The following RNF150 variants were observed in gnomAD, a reference collection of about 807,000 sequenced individuals.
The protein encoded by RNF150 is ring finger protein 150.
In RNF150, 24 loss-of-function variants were observed where a neutral mutation model predicts 39.3. The observed-to-expected ratio is 0.61, with a 90% CI of 0.44 to 0.86. RNF150 has a LOEUF of 0.86. RNF150 is among the 40% of genes least tolerant of loss of function. RNF150 has a pLI of 0.00. For synonymous variants in RNF150, 255 were observed against 227.3 expected (o/e 1.12, Z -1.10); for missense variants, 502 against 587.8 (o/e 0.85, Z 1.51).
chr4:140,934,861 T>A (rs1231267117), intron 4 of RNF150, among the ~76,000 whole-genome samples: 2 of 151,318 alleles, frequency 1.3e-5, no homozygotes, highest in East Asian at 3.9e-4. Flanking sequence ...GGTTTTCTTT[T>A]AATAAAATAC....
chr4:140,989,314 T>G (rs1327608018), intron 1 of RNF150, among the ~76,000 whole-genome samples: 2 of 151,812 alleles, frequency 1.3e-5, no homozygotes, highest in East Asian at 3.9e-4. Flanking sequence ...CTCTGCTCAT[T>G]CAAAAAAAAA....
chr4:140,959,677 T>C lies in RNF150; in HGVS notation c.735+7946A>G, dbSNP rs534937955. On this transcript the variant is annotated intron_variant, in intron 2 of 6. Coordinates refer to ENST00000515673, the MANE Select transcript of RNF150 (RefSeq NM_020724.2). ...CGAACAGGGAAGCAATGGCTCCACATGGCGTGTGAGGCTGTCCTTGGTCTT... is the reference window on the plus strand; with the variant it reads ...CGAACAGGGAAGCAATGGCTCCACACGGCGTGTGAGGCTGTCCTTGGTCTT... Among the ~76,000 whole-genome samples, 239 of 152,238 alleles carry C rather than the reference T, an allele frequency of 1.6e-3. 1 individual carries two copies. Among genetic ancestry groups the C allele is most frequent in the African/African-American group, 5.6e-3 (232 of 41,550 alleles).
At chr4:140,911,790 T>C (rs1473574465) in intron 5 of RNF150, among the ~76,000 whole-genome samples, 4 of 152,164 alleles carry the variant, frequency 2.6e-5, no homozygotes, top group Non-Finnish European at 5.9e-5. Flanking sequence ...ATACTAATGA[T>C]ATGAGAGTGG....
chr4:141,101,601 T>C (rs1015452407), intron 1 of RNF150, among the ~76,000 whole-genome samples: 1 of 152,284 alleles, frequency 6.6e-6, no homozygotes, highest in East Asian at 1.9e-4. Flanking sequence ...ATCTGTAACA[T>C]AGCTTTATTA....
At chr4:141,119,319 CA>C (rs1726537266) in intron 1 of RNF150, among the ~76,000 whole-genome samples, 1 of 152,202 alleles carries the variant, frequency 6.6e-6, no homozygotes, top group Admixed American at 6.5e-5. Context: ...TGGAATGAAG[CA>C]GTCCATATAC....
At chr4:140,892,386 C>T (rs902210138) in intron 6 of RNF150, among the ~76,000 whole-genome samples, 2 of 152,170 alleles carry the variant, frequency 1.3e-5, no homozygotes, top group African/African-American at 4.8e-5. Flanking sequence ...CAAATGCCTC[C>T]GCTTGTAGTG....
intron 1 of RNF150, among the ~76,000 whole-genome samples, chr4:141,188,106 A>C (rs953805125): frequency 1.3e-5 from 2 of 152,142 alleles, no homozygotes; most frequent in Non-Finnish European, 2.9e-5. Context: ...TTGCTTATGA[A>C]GTTTAGTTTG....
chr4:141,002,310 A>T (rs1213471492), intron 1 of RNF150, among the ~76,000 whole-genome samples: 4 of 152,028 alleles, frequency 2.6e-5, no homozygotes, highest in Non-Finnish European at 5.9e-5. Context: ...TTAAGCTCAC[A>T]CCAGGACAGG....
chr4:140,916,303 T>C (rs1172901326), intron 5 of RNF150, among the ~76,000 whole-genome samples: 3 of 151,552 alleles, frequency 2.0e-5, no homozygotes, highest in African/African-American at 7.3e-5. Flanking sequence ...TTGAAAAAAA[T>C]TTAGATGAAT....
chr4:140,931,387 G>C (rs79896758), intron 4 of RNF150, among the ~76,000 whole-genome samples: 3,750 of 152,266 alleles, frequency 0.025, 51 homozygotes, highest in East Asian at 0.071. Context: ...CTTTTTGGTA[G>C]CATATTGATC....
chr4:141,208,235 T>TC (rs1262033850), intron 1 of RNF150, among the ~76,000 whole-genome samples: 1 of 152,212 alleles, frequency 6.6e-6, no homozygotes, highest in African/African-American at 2.4e-5. Flanking sequence ...CTAACTCAGA[T>TC]CCCAGGCTTC....
At chr4:141,097,983 C>CT (rs1346864049) in intron 1 of RNF150, among the ~76,000 whole-genome samples, 2 of 150,832 alleles carry the variant, frequency 1.3e-5, no homozygotes, top group African/African-American at 5.0e-5. Flanking sequence ...CTTCAGATGC[C>CT]CCCCTCCCTT....
intron 4 of RNF150, among the ~76,000 whole-genome samples, chr4:140,928,825 C>T (rs1220546696): frequency 2.0e-5 from 3 of 152,160 alleles, no homozygotes; most frequent in Non-Finnish European, 2.9e-5. Context: ...GGATTACAGG[C>T]GTGAGCCACC....
chr4:140,968,058 A>G (rs1733320231), intron 1 of RNF150, among the ~76,000 whole-genome samples, 185 bp from the exon 2 acceptor site: 1 of 152,132 alleles, frequency 6.6e-6, no homozygotes, highest in Non-Finnish European at 1.5e-5. Context: ...TCAGCTACCT[A>G]GCTTTCTTCA....
chr4:140,879,002 T>G (rs966489715), intron 6 of RNF150, among the ~76,000 whole-genome samples: 1 of 152,230 alleles, frequency 6.6e-6, no homozygotes, highest in Non-Finnish European at 1.5e-5. Context: ...CCACACCATT[T>G]TTTGACACTA....
chr4:141,117,636 G>C (rs1726467680), intron 1 of RNF150, among the ~76,000 whole-genome samples: 1 of 152,162 alleles, frequency 6.6e-6, no homozygotes, highest in African/African-American at 2.4e-5. Flanking sequence ...CTCAGAATAT[G>C]TCCACATCAT....
chr4:141,181,344 A>T (rs915894034), intron 1 of RNF150, among the ~76,000 whole-genome samples: 8 of 152,236 alleles, frequency 5.3e-5, no homozygotes, highest in Non-Finnish European at 1.0e-4. Context: ...GAAAGAAAGA[A>T]AATAGAATCC....
In RNF150 at chr4:141,078,759, C is replaced by T. The variant is rs537253631; in HGVS notation, c.484+53566G>A. 1.3e-4 allele frequency among the ~76,000 whole-genome samples: 17 copies of T among 133,648 alleles called. No homozygotes were observed. The East Asian group carries it at 3.6e-3, about 29-fold the overall frequency. The allele number at this position is 133,648 out of a possible 152,430, so 87.7% of individuals were successfully genotyped here. A position where few individuals can be genotyped will look rare whatever the true frequency, so the allele number is the denominator to read the frequency against. On this transcript the variant is annotated intron_variant, in intron 1 of 6. Coordinates refer to ENST00000515673, the MANE Select transcript of RNF150 (RefSeq NM_020724.2). ...GAGCCGAGATCGTGCCACTGCACTCCAGCCTGGGCGACAGAGCGAAACTCC... is the reference window on the plus strand; with the variant it reads ...GAGCCGAGATCGTGCCACTGCACTCTAGCCTGGGCGACAGAGCGAAACTCC...
At chr4:140,919,334 G>A (rs76913279) in intron 5 of RNF150, among the ~76,000 whole-genome samples, 64,229 of 125,984 alleles carry the variant, frequency 0.51, 17,499 homozygotes, top group East Asian at 0.89. Context: ...CAACTTCAGC[G>A]AAGACTCAAG....
Sources: allele counts gnomAD v4.1 joint callset (sites outside exome capture counted in the v4.1 genomes callset), GRCh38; gene constraint gnomAD v4.1.1; transcripts MANE v1.5; gene names NCBI Gene and HGNC (gene_info 2026-07-23, HGNC 2026-07-21).